YME1L1: variants seen among roughly 807,000 people sequenced by gnomAD.
The protein encoded by YME1L1 is ATP-dependent zinc metalloprotease YME1L1.
YME1L1 carries 39 observed loss-of-function variants against 90.4 expected under a neutral mutation model. That is an observed-to-expected ratio of 0.43 (90% CI 0.33 to 0.56). The LOEUF is 0.56. Among genes scored for constraint, YME1L1 ranks in the 20% least tolerant of loss-of-function variants. The probability of loss-of-function intolerance (pLI) is 0.03; values close to 1 mark genes in which losing one functional copy is unlikely to be tolerated. For synonymous variants in YME1L1, 284 were observed against 287.3 expected, an observed-to-expected ratio of 0.99 and a Z score of 0.12; for missense variants, 617 against 868.4, an observed-to-expected ratio of 0.71 and a Z score of 3.64.
chr10:27,122,546 A>T (rs2056877590), intron 11 of YME1L1, among the ~76,000 whole-genome samples: 1 of 152,218 alleles, frequency 6.6e-6, no homozygotes, highest in African/African-American at 2.4e-5. Context: ...GGCATAAATC[A>T]TTGTTTTTCT....
intron 16 of YME1L1, 33 bp from the exon 17 acceptor site, chr10:27,116,166 CATATCTTT>C: frequency 3.1e-6 from 5 of 1,613,420 alleles, no homozygotes; most frequent in Non-Finnish European, 2.5e-6. Context: ...CATTTTAAAA[CATATCTTT>C]AAGACCACAT....
chr10:27,119,204 C>CT, intron 14 of YME1L1, 90 bp downstream of exon 14: 1 of 1,261,816 alleles, frequency 7.9e-7, no homozygotes, highest in South Asian at 1.8e-5. Context: ...ATAGCCATGG[C>CT]TTTAGCTGTT....
At position 27,136,482 on chromosome 10, in the gene YME1L1, A is replaced by G. The variant is rs191048104; in HGVS notation, c.431-97T>C. The G allele has an allele frequency of 1.5e-4, 141 of 953,846 alleles. No individual in the cohort carries two copies. In the African/African-American group the frequency reaches 2.1e-3, roughly 14 times the overall value. The allele number at this position is 953,846 out of a possible 1,614,324, so 59.1% of individuals were successfully genotyped here. On this transcript the variant is annotated intron_variant, in intron 4 of 18. Coordinates refer to ENST00000376016, the MANE Select transcript of YME1L1 (RefSeq NM_014263.4). ...GTCTGACACCCTACCTGTATATCCT[A>G]GTCTATCTAATTTGCCTGACACTTC...
chr10:27,147,414 C>T lies in YME1L1; in HGVS notation c.168+1492G>A, dbSNP rs754928400. On this transcript the variant is annotated intron_variant, in intron 2 of 18. Coordinates refer to ENST00000376016, the MANE Select transcript of YME1L1 (RefSeq NM_014263.4). ...GGCTGATGGAACAAGTGAAAGATGGCAAGAACCTGAACTAAGCCGTGACTA... is the reference window on the plus strand; with the variant it reads ...GGCTGATGGAACAAGTGAAAGATGGTAAGAACCTGAACTAAGCCGTGACTA... The T allele has an allele frequency of 3.9e-5, 63 of 1,608,898 alleles. 1 individual carries two copies. In the South Asian group the frequency reaches 6.7e-4, roughly 17 times the overall value.
intron 2 of YME1L1, chr10:27,147,192 G>C: frequency 1.7e-6 from 1 of 584,642 alleles, no homozygotes; most frequent in South Asian, 2.2e-5. Flanking sequence ...AGAAAATGGA[G>C]AACTAAGGAA....
At chr10:27,136,453 TAA>T in intron 4 of YME1L1, 68 bp from the exon 5 acceptor site, 1 of 1,319,504 alleles carries the variant, frequency 7.6e-7, no homozygotes. Flanking sequence ...CCTAAGATTC[TAA>T]AGTCTGACAC....
Position 27,116,289 on chromosome 10 carries a change from T to G in YME1L1, c.1776A>C (p.Ala592=). The G allele has an allele frequency of 6.2e-7, 1 of 1,614,172 alleles. No homozygotes were observed. The change falls in exon 16 of 19, where the codon GCA becomes GCC. Residue 592 remains alanine, a synonymous_variant. Transcript: ENST00000376016. ...TTCCTCCCATACTAACATCCATTTGTGCAAGCAGCTGGGCTCTAGTTTCAT... is the reference window on the plus strand; with the variant it reads ...TTCCTCCCATACTAACATCCATTTGGGCAAGCAGCTGGGCTCTAGTTTCAT... The part of the protein sequence containing the change: ...RWNETRAQLL[A]QMDVSMGGRV...
intron 10 of YME1L1, 129 bp downstream of exon 10, chr10:27,123,418 G>T: frequency 9.6e-7 from 1 of 1,038,626 alleles, no homozygotes; most frequent in Non-Finnish European, 1.4e-6. Context: ...TAATTAGCAT[G>T]CAAAGCTGGA....
chr10:27,131,722 C>A, intron 8 of YME1L1, 137 bp downstream of exon 8: 1 of 612,784 alleles, frequency 1.6e-6, no homozygotes, highest in East Asian at 2.9e-5. Context: ...ATTATTTATC[C>A]CAAAATACTA....
chr10:27,112,142 G>GT (rs747265392), intron 18 of YME1L1, 22 bp from the exon 19 acceptor site: 1 of 1,590,626 alleles, frequency 6.3e-7, no homozygotes, highest in Non-Finnish European at 8.6e-7. Flanking sequence ...AAGGAGATAC[G>GT]TAAGCAGCAG....
At chr10:27,121,564 G>T in intron 11 of YME1L1, 116 bp from the exon 12 acceptor site, 1 of 731,282 alleles carries the variant, frequency 1.4e-6, no homozygotes, top group Non-Finnish European at 2.4e-6. Flanking sequence ...TCGCTTTGTG[G>T]CCTAGGCTGA....
intron 12 of YME1L1, 112 bp from the exon 13 acceptor site, chr10:27,120,659 A>G (rs1323762934): frequency 5.5e-6 from 4 of 723,720 alleles, no homozygotes; most frequent in African/African-American, 3.6e-5. Flanking sequence ...CAGAGCGCAG[A>G]TGGAGTTTTG....
At chr10:27,115,937 A>T (rs1191093089) in intron 17 of YME1L1, 123 bp downstream of exon 17, 6 of 860,202 alleles carry the variant, frequency 7.0e-6, no homozygotes, top group African/African-American at 3.4e-5. Context: ...CAGAATAAAG[A>T]GCCTCAAATC....
rs2056924981 is a variant in YME1L1 at position 27,126,843 on chromosome 10, A to T, written c.859-57T>A. The stretch of plus-strand genomic sequence containing the variant: ...GATAATGGACACGTTTGGTTAGATT[A>T]TCAAGGCTTCCCTTTTGAAAATCAT... On this transcript the variant is annotated intron_variant, in intron 8 of 18. Transcript: ENST00000376016. 8 of 960,382 alleles carry T rather than the reference A, an allele frequency of 8.3e-6. No homozygotes were observed. The South Asian group carries it at 1.1e-4, about 13-fold the overall frequency. 59.5% of individuals were successfully genotyped at this position (960,382 alleles called of 1,614,324 possible).
At chr10:27,115,325 T>G (rs1389762697) in intron 17 of YME1L1, among the ~76,000 whole-genome samples, 3 of 142,232 alleles carry the variant, frequency 2.1e-5, no homozygotes, top group Non-Finnish European at 4.6e-5. Flanking sequence ...TTTAAAATCT[T>G]TTTTTTTTTT....
At chr10:27,122,375 A>G (rs912787533) in intron 11 of YME1L1, among the ~76,000 whole-genome samples, 1 of 152,188 alleles carries the variant, frequency 6.6e-6, no homozygotes, top group African/African-American at 2.4e-5. Context: ...TGGTTTCAAA[A>G]TGTCTTATAT....
At chr10:27,147,411 T>A in intron 2 of YME1L1, 1 of 1,606,444 alleles carries the variant, frequency 6.2e-7, no homozygotes, top group Non-Finnish European at 8.5e-7. Flanking sequence ...AAGTGAAAGA[T>A]GGCAAGAACC....
At chr10:27,131,770 T>G (rs2056979598) in intron 8 of YME1L1, 89 bp downstream of exon 8, 3 of 970,726 alleles carry the variant, frequency 3.1e-6, no homozygotes, top group Non-Finnish European at 4.6e-6. Flanking sequence ...TTACCTATTC[T>G]AGAATACACT....
At chr10:27,121,261 T>C (rs1045204253) in intron 12 of YME1L1, 125 bp downstream of exon 12, 1 of 686,398 alleles carries the variant, frequency 1.5e-6, no homozygotes, top group Non-Finnish European at 2.6e-6. Flanking sequence ...GTGAATTTGC[T>C]TATTCTGGAT....
Sources: allele counts gnomAD v4.1 joint callset (sites outside exome capture counted in the v4.1 genomes callset), GRCh38; gene constraint gnomAD v4.1.1; transcripts MANE v1.5; gene names NCBI Gene and HGNC (gene_info 2026-07-23, HGNC 2026-07-21).